Variants in CDH8 observed in about 807,000 individuals in gnomAD.
CDH8 encodes cadherin-8.
In CDH8, 17 loss-of-function variants were observed where a neutral mutation model predicts 68.1. The ratio of observed to expected loss-of-function variants is 0.25; its 90% CI spans 0.17 to 0.37. CDH8 has a LOEUF of 0.37. Among genes scored for constraint, CDH8 ranks in the 10% least tolerant of loss-of-function variants. The pLI, the probability that CDH8 is intolerant of heterozygous loss-of-function variation, is 1.00. For synonymous variants in CDH8, 372 were observed against 365.1 expected, an observed-to-expected ratio of 1.02 and a Z score of -0.21; for missense variants, 763 against 999.3, an observed-to-expected ratio of 0.76 and a Z score of 3.19.
At chr16:61,774,459 GA>G (rs11318433) in intron 8 of CDH8, among the ~76,000 whole-genome samples, 66,963 of 123,022 alleles carry the variant, frequency 0.54, 18,128 homozygotes, top group African/African-American at 0.76. Context: ...ATCACTCAGG[GA>G]AAAAAAAAAA....
At chr16:61,866,563 T>C (rs888823328) in intron 3 of CDH8, among the ~76,000 whole-genome samples, 12 of 149,110 alleles carry the variant, frequency 8.0e-5, no homozygotes, top group African/African-American at 2.9e-4. Context: ...ATACATAGAA[T>C]TATATAGTGT....
intron 3 of CDH8, among the ~76,000 whole-genome samples, chr16:61,888,264 G>C (rs777146474): frequency 7.2e-5 from 11 of 152,146 alleles, no homozygotes; most frequent in Non-Finnish European, 1.2e-4. Flanking sequence ...CTCAAGGCAT[G>C]GGAATTTGAA....
At chr16:61,728,827 C>A (rs191932880) in intron 8 of CDH8, among the ~76,000 whole-genome samples, 1 of 151,152 alleles carries the variant, frequency 6.6e-6, no homozygotes, top group East Asian at 2.0e-4. Context: ...TTTCCTTCTA[C>A]TACTTGTGTG....
intron 3 of CDH8, among the ~76,000 whole-genome samples, chr16:61,875,374 T>A (rs1963441004): frequency 6.6e-6 from 1 of 152,020 alleles, no homozygotes; most frequent in Admixed American, 6.6e-5. Flanking sequence ...AATATGAACA[T>A]CACCTGAATT....
intron 4 of CDH8, among the ~76,000 whole-genome samples, chr16:61,832,233 T>C (rs1246826817): frequency 2.6e-5 from 4 of 151,630 alleles, no homozygotes; most frequent in Admixed American, 2.6e-4. Flanking sequence ...TAATTCGGCC[T>C]CCATAAGGCT....
chr16:61,948,339 C>G (rs2221744), intron 2 of CDH8, among the ~76,000 whole-genome samples: 51,798 of 151,998 alleles, frequency 0.34, 9,445 homozygotes, highest in African/African-American at 0.45. Flanking sequence ...GTTGAGAACA[C>G]AGCCAAAATC....
chr16:61,697,737 C>T (rs185614932), intron 10 of CDH8, among the ~76,000 whole-genome samples: 87 of 152,270 alleles, frequency 5.7e-4, no homozygotes, highest in African/African-American at 2.0e-3. Flanking sequence ...GTGATCTGCC[C>T]GCCTTAGCTT....
chr16:61,691,581 G>A (rs74023224), intron 10 of CDH8, among the ~76,000 whole-genome samples: 9,423 of 148,082 alleles, frequency 0.064, 1,017 homozygotes, highest in African/African-American at 0.22. Context: ...ATTTGGGGGT[G>A]GAGTACGATC....
chr16:61,695,717 T>C (rs1184238246), intron 10 of CDH8, among the ~76,000 whole-genome samples: 1 of 152,194 alleles, frequency 6.6e-6, no homozygotes, highest in South Asian at 2.1e-4. Context: ...CATCAATTCT[T>C]AGTAATATCT....
In CDH8 at chr16:61,652,874, G is replaced by A; in HGVS notation, c.*734C>T. 6.6e-7 allele frequency: 1 copy of A among 1,524,458 alleles called. No homozygotes were observed. Among genetic ancestry groups the A allele is most frequent in the African/African-American group, 1.4e-5 (1 of 72,870 alleles). 94.4% of individuals were successfully genotyped at this position (1,524,458 alleles called of 1,614,324 possible). Reference sequence around the variant, plus strand: ...TTGTGTCCTTGTGGAAGAAGATGAAGAGGAGGGAACGAGGAATCCTGCTTC... The same window carrying A: ...TTGTGTCCTTGTGGAAGAAGATGAAAAGGAGGGAACGAGGAATCCTGCTTC... On this transcript the variant is annotated 3_prime_UTR_variant, in exon 12 of 12. Transcript: ENST00000577390.
At chr16:61,939,068 C>T (rs1295869471) in intron 2 of CDH8, among the ~76,000 whole-genome samples, 2 of 152,186 alleles carry the variant, frequency 1.3e-5, no homozygotes, top group African/African-American at 4.8e-5. Flanking sequence ...ATAAGGCACT[C>T]ATCTCTTCAT....
chr16:61,841,040 A>G (rs1475753145), intron 4 of CDH8, among the ~76,000 whole-genome samples: 1 of 152,212 alleles, frequency 6.6e-6, no homozygotes, highest in African/African-American at 2.4e-5. Flanking sequence ...TTACAGGGGA[A>G]AAAACTTGCT....
At chr16:61,767,139 T>C (rs1960615996) in intron 8 of CDH8, among the ~76,000 whole-genome samples, 1 of 151,904 alleles carries the variant, frequency 6.6e-6, no homozygotes, top group Admixed American at 6.6e-5. Flanking sequence ...GCATGACTTG[T>C]GTGTGTGTGC....
intron 2 of CDH8, among the ~76,000 whole-genome samples, chr16:61,914,726 T>C (rs1223913677): frequency 7.8e-6 from 1 of 128,322 alleles, no homozygotes; most frequent in Admixed American, 7.9e-5. Flanking sequence ...AGTATAATAA[T>C]AATAATAAAA....
intron 10 of CDH8, among the ~76,000 whole-genome samples, chr16:61,680,989 A>T (rs1252242504): frequency 6.6e-6 from 1 of 151,862 alleles, no homozygotes; most frequent in African/African-American, 2.4e-5. Flanking sequence ...AATGACTATA[A>T]TAGTTTTTTA....
At chr16:61,883,775 C>A (rs1032014561) in intron 3 of CDH8, among the ~76,000 whole-genome samples, 1 of 151,826 alleles carries the variant, frequency 6.6e-6, no homozygotes, top group Admixed American at 6.6e-5. Flanking sequence ...AGAGTGAACT[C>A]TTAAGCACAA....
intron 2 of CDH8, among the ~76,000 whole-genome samples, chr16:61,955,521 C>G (rs1051321568): frequency 3.3e-5 from 5 of 152,100 alleles, no homozygotes; most frequent in African/African-American, 1.2e-4. Context: ...GTGCTTTGGT[C>G]AATTAAATTC....
intron 8 of CDH8, among the ~76,000 whole-genome samples, chr16:61,733,064 T>G (rs1240322852): frequency 6.6e-6 from 1 of 151,908 alleles, no homozygotes; most frequent in East Asian, 1.9e-4. Flanking sequence ...GTAATAATTA[T>G]AGCAATACAA....
At chr16:61,721,751 T>C (rs1452078915) in intron 9 of CDH8, among the ~76,000 whole-genome samples, 1 of 150,822 alleles carries the variant, frequency 6.6e-6, no homozygotes, top group Non-Finnish European at 1.5e-5. Context: ...TCTGCTTCCT[T>C]GGAGAGCATT....
Sources: allele counts gnomAD v4.1 joint callset (sites outside exome capture counted in the v4.1 genomes callset), GRCh38; gene constraint gnomAD v4.1.1; transcripts MANE v1.5; gene names NCBI Gene and HGNC (gene_info 2026-07-23, HGNC 2026-07-21).